Variants in RSPO4 observed in about 807,000 individuals in gnomAD.
RSPO4 encodes R-spondin-4.
A neutral mutation model predicts 24.8 loss-of-function variants in RSPO4; 23 were observed. The ratio of observed to expected loss-of-function variants is 0.93; its 90% CI spans 0.67 to 1.31. The LOEUF is 1.31. RSPO4 is among the 40% of genes most tolerant of loss of function. The probability of loss-of-function intolerance (pLI) is 0.00; values close to 1 mark genes in which losing one functional copy is unlikely to be tolerated. For synonymous variants in RSPO4, 141 were observed against 127.4 expected, an observed-to-expected ratio of 1.11 and a Z score of -0.72; for missense variants, 333 against 316.5, an observed-to-expected ratio of 1.05 and a Z score of -0.39.
chr20:960,684 C>T lies in RSPO4; in HGVS notation c.596-218G>A, dbSNP rs577835698. ...TTCTCTCTAGGTCTTCAGGGAGTGG[C>T]GAGGGCCACTAACTTGTTCAGGGCC... On this transcript the variant is annotated intron_variant, in intron 4 of 4. Coordinates refer to ENST00000217260, the MANE Select transcript of RSPO4 (RefSeq NM_001029871.4). Among the ~76,000 whole-genome samples the T allele has an allele frequency of 1.1e-4, 16 of 152,336 alleles. No homozygotes were observed. The East Asian group carries it at 2.7e-3, about 26-fold the overall frequency.
In RSPO4 at chr20:964,335, G is replaced by A. The variant is rs182081807; in HGVS notation, c.410-215C>T. Among the ~76,000 whole-genome samples the A allele has an allele frequency of 6.6e-5, 10 of 152,306 alleles. No homozygotes were observed. In the East Asian group the frequency reaches 1.9e-3, roughly 29 times the overall value. On this transcript the variant is annotated intron_variant, in intron 3 of 4. Transcript: ENST00000217260. ...ATATGGGCCTGAAGCCAGAGCGGCCGACTGTCTAGCTTTAAAGGAAAGGCT... is the reference window on the plus strand; with the variant it reads ...ATATGGGCCTGAAGCCAGAGCGGCCAACTGTCTAGCTTTAAAGGAAAGGCT...
intron 1 of RSPO4, among the ~76,000 whole-genome samples, chr20:982,904 T>C (rs1280258483): frequency 6.6e-6 from 1 of 152,188 alleles, no homozygotes. Context: ...TTTGGCTGAG[T>C]AGGACGTCTG....
intron 1 of RSPO4, among the ~76,000 whole-genome samples, chr20:988,782 C>T (rs1985001864): frequency 6.6e-6 from 1 of 152,076 alleles, no homozygotes; most frequent in Admixed American, 6.6e-5. Flanking sequence ...AACTCCTGAC[C>T]TCAAGTGATC....
At chr20:967,806 C>T in intron 2 of RSPO4, 144 bp downstream of exon 2, 2 of 881,752 alleles carry the variant, frequency 2.3e-6, no homozygotes, top group Non-Finnish European at 3.8e-6. Flanking sequence ...GCGGAGTCAG[C>T]CTGGACACAG....
chr20:963,580 T>C (rs1984075534), intron 4 of RSPO4, among the ~76,000 whole-genome samples: 1 of 151,452 alleles, frequency 6.6e-6, no homozygotes, highest in South Asian at 2.1e-4. Context: ...TAGGACACTA[T>C]ACTGATAAAA....
chr20:972,192 G>C (rs1049114461), intron 1 of RSPO4, among the ~76,000 whole-genome samples: 2 of 152,060 alleles, frequency 1.3e-5, no homozygotes, highest in African/African-American at 4.8e-5. Flanking sequence ...AGCCTCCCTA[G>C]TAGCTAGGAC....
intron 3 of RSPO4, among the ~76,000 whole-genome samples, chr20:964,998 C>G (rs2122212608): frequency 6.6e-6 from 1 of 152,174 alleles, no homozygotes. Context: ...ACAGCAAGCT[C>G]AAGACACAGT....
At chr20:969,191 C>A (rs1024959217) in intron 1 of RSPO4, among the ~76,000 whole-genome samples, 5 of 152,228 alleles carry the variant, frequency 3.3e-5, no homozygotes, top group African/African-American at 1.2e-4. Context: ...TGGCACACAC[C>A]TGTAGTCCCA....
In RSPO4 at chr20:960,247, G is replaced by A; in HGVS notation, c.*110C>T. On this transcript the variant is annotated 3_prime_UTR_variant, in exon 5 of 5. Coordinates refer to ENST00000217260, the MANE Select transcript of RSPO4 (RefSeq NM_001029871.4). ...TGATAGAAGGGTGGAAAGAAAGAGA[G>A]GACAAATGGAGAAGACAGAGGAGAA... The A allele has an allele frequency of 5.6e-6, 4 of 711,104 alleles. 1 individual carries two copies. Among genetic ancestry groups the A allele is most frequent in the South Asian group, 3.1e-5 (2 of 64,750 alleles). 44.0% of individuals were successfully genotyped at this position (711,104 alleles called of 1,614,324 possible). A position where few individuals can be genotyped will look rare whatever the true frequency, so the allele number is the denominator to read the frequency against.
intron 4 of RSPO4, among the ~76,000 whole-genome samples, chr20:961,031 T>C: frequency 6.6e-6 from 1 of 152,318 alleles, no homozygotes; most frequent in East Asian, 1.9e-4. Context: ...TCCCGTCTTC[T>C]CCAATTGTCC....
chr20:994,074 A>G (rs1200345707), intron 1 of RSPO4, among the ~76,000 whole-genome samples: 1 of 152,248 alleles, frequency 6.6e-6, no homozygotes, highest in African/African-American at 2.4e-5. Context: ...CAAAGTACAT[A>G]GAACAGTGTC....
rs752640647 is a variant in RSPO4, at chr20:968,015, T to A, written c.203A>T (p.Lys68Met). ...CCCAGGGGGACAGTCGTGCAGGCAC[T>A]TGCCGTACTGGCGGATGCCTTCCCG... ...IRREGIRQYG[K>M]CLHDCPPGYF... is the part of the protein sequence containing the mutation. Residue 68 changes from lysine to methionine, a missense_variant, in exon 2 of 5, where the codon AAG (lysine) becomes ATG (methionine). By Grantham distance (95) the Lys-to-Met change is moderately conservative. Transcript: ENST00000217260. The A allele has an allele frequency of 1.2e-6, 2 of 1,614,254 alleles. No homozygotes were observed. The highest frequency in any genetic ancestry group is 3.3e-5 in the Admixed American group (2 of 60,034).
In RSPO4 at chr20:964,753, C is replaced by T. The variant is rs569706740; in HGVS notation, c.410-633G>A. 1.5e-3 allele frequency among the ~76,000 whole-genome samples: 197 copies of T among 134,616 alleles called. 1 individual carries two copies. The highest frequency in any genetic ancestry group is 6.2e-3 in the African/African-American group (181 of 29,108). The allele number at this position is 134,616 out of a possible 152,430, so 88.3% of individuals were successfully genotyped here. A position where few individuals can be genotyped will look rare whatever the true frequency, so the allele number is the denominator to read the frequency against. On this transcript the variant is annotated intron_variant, in intron 3 of 4. Transcript: ENST00000217260. ...ATATACACACACACACATATATATACACATATATATACACACACACACACA... is the reference window on the plus strand; with the variant it reads ...ATATACACACACACACATATATATATACATATATATACACACACACACACA...
chr20:995,525 G>T (rs748018782), intron 1 of RSPO4, among the ~76,000 whole-genome samples: 3 of 151,604 alleles, frequency 2.0e-5, no homozygotes, highest in African/African-American at 7.2e-5. Context: ...TTAGGGCCCC[G>T]ACACATCATT....
At chr20:969,613 C>T (rs1057197119) in intron 1 of RSPO4, among the ~76,000 whole-genome samples, 3 of 152,060 alleles carry the variant, frequency 2.0e-5, no homozygotes, top group South Asian at 2.1e-4. Context: ...CTTCCCGGCA[C>T]GTGTGAGGGA....
At chr20:1,000,354 A>C (rs1985423401) in intron 1 of RSPO4, among the ~76,000 whole-genome samples, 1 of 152,146 alleles carries the variant, frequency 6.6e-6, no homozygotes, top group Non-Finnish European at 1.5e-5. Flanking sequence ...TCATCCAGAA[A>C]ACAAGCATCT....
intron 1 of RSPO4, among the ~76,000 whole-genome samples, chr20:979,292 C>G (rs1984663766): frequency 6.6e-6 from 1 of 152,148 alleles, no homozygotes; most frequent in Non-Finnish European, 1.5e-5. Context: ...CTTGCTCTTC[C>G]TTTTGTCTGG....
intron 1 of RSPO4, among the ~76,000 whole-genome samples, chr20:969,453 G>C (rs1984340744): frequency 6.6e-6 from 1 of 152,236 alleles, no homozygotes; most frequent in Non-Finnish European, 1.5e-5. Context: ...GCAAGAAGGT[G>C]CCAGCATCTC....
At chr20:990,670 A>G (rs1985071813) in intron 1 of RSPO4, among the ~76,000 whole-genome samples, 1 of 152,160 alleles carries the variant, frequency 6.6e-6, no homozygotes, top group Non-Finnish European at 1.5e-5. Flanking sequence ...GCCCTCAGCC[A>G]GGGGCGAGCG....
Sources: allele counts gnomAD v4.1 joint callset (sites outside exome capture counted in the v4.1 genomes callset), GRCh38; gene constraint gnomAD v4.1.1; transcripts MANE v1.5; gene names NCBI Gene and HGNC (gene_info 2026-07-23, HGNC 2026-07-21).